RBFOX1: variants seen among roughly 807,000 people sequenced by gnomAD.
RBFOX1 encodes RNA binding fox-1 homolog 1.
In RBFOX1, 8 loss-of-function variants were observed where a neutral mutation model predicts 57.7. The ratio of observed to expected loss-of-function variants is 0.14; its 90% CI spans 0.08 to 0.25. The LOEUF (loss-of-function observed/expected upper bound fraction) is 0.25. RBFOX1 is among the 10% of genes least tolerant of loss of function. The probability of loss-of-function intolerance (pLI) is 1.00; values close to 1 mark genes in which losing one functional copy is unlikely to be tolerated. For missense variants in RBFOX1, 611 were observed against 548.5 expected, an observed-to-expected ratio of 1.11 and a Z score of -1.14; for synonymous variants, 326 against 222.4, an observed-to-expected ratio of 1.47 and a Z score of -4.15.
intron 5 of RBFOX1, among the ~76,000 whole-genome samples, chr16:7,550,486 G>A (rs1374360528): frequency 6.6e-6 from 1 of 152,114 alleles, no homozygotes; most frequent in Non-Finnish European, 1.5e-5. Context: ...TTAATGAGGA[G>A]CCTGGGGGCA....
intron 1 of RBFOX1, among the ~76,000 whole-genome samples, chr16:6,082,644 C>T (rs1249419942): frequency 6.6e-6 from 1 of 151,936 alleles, no homozygotes; most frequent in Non-Finnish European, 1.5e-5. Flanking sequence ...CAAATGCTGG[C>T]AATAGGGACG....
chr16:6,573,096 A>G (rs2097368236), intron 2 of RBFOX1, among the ~76,000 whole-genome samples: 2 of 152,042 alleles, frequency 1.3e-5, no homozygotes, highest in Admixed American at 1.3e-4. Flanking sequence ...GCTCCCTCAG[A>G]CCCTAGACCA....
chr16:6,778,939 A>G (rs570283936), intron 3 of RBFOX1, among the ~76,000 whole-genome samples: 4 of 152,172 alleles, frequency 2.6e-5, no homozygotes, highest in Non-Finnish European at 5.9e-5. Flanking sequence ...ATAAAAGCAT[A>G]CAATGTGTAA....
chr16:5,922,297 G>A (rs2058841733), intron 4 of RBFOX1, among the ~76,000 whole-genome samples: 1 of 152,136 alleles, frequency 6.6e-6, no homozygotes, highest in Non-Finnish European at 1.5e-5. Flanking sequence ...CTCCAACACT[G>A]GGATCACATT....
intron 3 of RBFOX1, among the ~76,000 whole-genome samples, chr16:6,754,260 A>G (rs1056395266): frequency 5.3e-5 from 8 of 152,252 alleles, no homozygotes; most frequent in Admixed American, 3.9e-4. Context: ...ATTCAGATCA[A>G]TTTCCAGAAA....
intron 4 of RBFOX1, among the ~76,000 whole-genome samples, chr16:5,904,309 G>A (rs2058387685): frequency 6.6e-6 from 1 of 152,068 alleles, no homozygotes; most frequent in South Asian, 2.1e-4. Context: ...AGTCAGGCCA[G>A]CAGAATACAA....
At chr16:6,451,316 G>A (rs1453586840) in intron 2 of RBFOX1, among the ~76,000 whole-genome samples, 1 of 152,186 alleles carries the variant, frequency 6.6e-6, no homozygotes, top group Non-Finnish European at 1.5e-5. Context: ...ATTAGGAATA[G>A]TGGTTGCTGA....
At chr16:6,793,573 C>G (rs1229587367) in intron 3 of RBFOX1, among the ~76,000 whole-genome samples, 1 of 152,092 alleles carries the variant, frequency 6.6e-6, no homozygotes, top group Non-Finnish European at 1.5e-5. Flanking sequence ...TTGGCCCTTC[C>G]CTCTGTTTTG....
chr16:6,056,434 C>T (rs1033354566), intron 1 of RBFOX1, among the ~76,000 whole-genome samples: 2 of 152,270 alleles, frequency 1.3e-5, no homozygotes, highest in Non-Finnish European at 1.5e-5. Flanking sequence ...TCCCCTACCC[C>T]TTTTCTCTTT....
At chr16:7,455,952 G>T (rs949359282) in intron 4 of RBFOX1, among the ~76,000 whole-genome samples, 2 of 152,082 alleles carry the variant, frequency 1.3e-5, no homozygotes, top group East Asian at 1.9e-4. Context: ...AATGTCCCCT[G>T]TTTGGAAATG....
At chr16:7,061,222 T>C (rs192434341) in intron 4 of RBFOX1, among the ~76,000 whole-genome samples, 134 of 152,302 alleles carry the variant, frequency 8.8e-4, no homozygotes, top group Non-Finnish European at 8.8e-5. Context: ...GCAGCTTCTC[T>C]AGTAAAATAA....
intron 2 of RBFOX1, among the ~76,000 whole-genome samples, chr16:6,419,726 C>T (rs999393321): frequency 6.6e-6 from 1 of 152,106 alleles, no homozygotes; most frequent in Non-Finnish European, 1.5e-5. Flanking sequence ...ACATCCCAGT[C>T]GTGTTCTATC....
At chr16:6,840,723 C>A (rs983707663) in intron 3 of RBFOX1, among the ~76,000 whole-genome samples, 4 of 151,828 alleles carry the variant, frequency 2.6e-5, no homozygotes, top group Non-Finnish European at 5.9e-5. Flanking sequence ...CCCGTCTCTA[C>A]TACAAATACA....
intron 4 of RBFOX1, among the ~76,000 whole-genome samples, chr16:7,284,677 G>A (rs1013562302): frequency 6.6e-6 from 1 of 152,214 alleles, no homozygotes; most frequent in Non-Finnish European, 1.5e-5. Context: ...AGAGGACAGA[G>A]TGGTAGTTTC....
intron 1 of RBFOX1, among the ~76,000 whole-genome samples, chr16:6,146,402 T>C (rs892771736): frequency 3.3e-5 from 5 of 152,180 alleles, no homozygotes; most frequent in African/African-American, 1.2e-4. Flanking sequence ...ACCTCAACAC[T>C]ATTGACATTT....
chr16:6,236,582 G>A (rs980782938), intron 1 of RBFOX1, among the ~76,000 whole-genome samples: 2 of 152,032 alleles, frequency 1.3e-5, no homozygotes, highest in Middle Eastern at 3.4e-3. Context: ...TTACAGGCAC[G>A]TGTCACCATG....
rs898387612 is a variant in RBFOX1 at position 6,363,504 on chromosome 16, T to G, written c.-64+46447T>G. On this transcript the variant is annotated intron_variant, in intron 2 of 15. Coordinates refer to ENST00000550418, the MANE Select transcript of RBFOX1 (RefSeq NM_018723.4). ...GGGTTTACTTATTTGTTTAAATAATTGCGTTCTTTGGAATTGCCTAAATTT... is the reference window on the plus strand; with the variant it reads ...GGGTTTACTTATTTGTTTAAATAATGGCGTTCTTTGGAATTGCCTAAATTT... Among the ~76,000 whole-genome samples, 9 of 152,310 alleles carry G rather than the reference T, an allele frequency of 5.9e-5. 1 individual carries two copies. Among genetic ancestry groups the G allele is most frequent in the Admixed American group, 5.9e-4 (9 of 15,304 alleles).
intron 4 of RBFOX1, among the ~76,000 whole-genome samples, chr16:7,375,120 G>A (rs995738413): frequency 3.3e-5 from 5 of 152,108 alleles, no homozygotes; most frequent in East Asian, 1.9e-4. Context: ...TAGCCATTAC[G>A]CATTATCCTG....
chr16:6,689,122 G>C (rs1475317792), intron 3 of RBFOX1, among the ~76,000 whole-genome samples: 3 of 152,192 alleles, frequency 2.0e-5, no homozygotes, highest in Non-Finnish European at 4.4e-5. Context: ...CTTTATAGCA[G>C]AATGATTTAT....
Sources: gnomAD v4.1 joint callset for allele counts (sites outside exome capture counted in the v4.1 genomes callset) on GRCh38, gnomAD v4.1.1 for gene constraint, MANE v1.5 for transcripts, NCBI Gene and HGNC (gene_info 2026-07-23, HGNC 2026-07-21) for gene names.